ARHGAP1: variants seen among roughly 807,000 people sequenced by gnomAD.
The protein encoded by ARHGAP1 is Rho GTPase activating protein 1, also known as rho GTPase-activating protein 1.
A neutral mutation model predicts 52.2 loss-of-function variants in ARHGAP1; 23 were observed. That is an observed-to-expected ratio of 0.44 (90% CI 0.32 to 0.62). The LOEUF (loss-of-function observed/expected upper bound fraction) is 0.62. Among genes scored for constraint, ARHGAP1 ranks in the 20% least tolerant of loss-of-function variants. The pLI, the probability that ARHGAP1 is intolerant of heterozygous loss-of-function variation, is 0.05. For missense variants in ARHGAP1, 480 were observed against 560.9 expected (o/e 0.86, Z 1.46); for synonymous variants, 210 against 228.4 (o/e 0.92, Z 0.73).
In ARHGAP1 at chr11:46,696,736, G is replaced by A. The variant is rs982526213; in HGVS notation, c.-49-580C>T. Among the ~76,000 whole-genome samples, 1 of 152,164 alleles carries A rather than the reference G, an allele frequency of 6.6e-6. No homozygotes were observed. Among genetic ancestry groups the A allele is most frequent in the South Asian group, 2.1e-4 (1 of 4,832 alleles). The stretch of plus-strand genomic sequence containing the variant: ...ATACAAAAACTAGCTGGGCGTGGTG[G>A]CAGGCATCTGTAATCCCAGCTACTC... On this transcript the variant is annotated intron_variant, in intron 1 of 12. Coordinates refer to ENST00000311956, the MANE Select transcript of ARHGAP1 (RefSeq NM_004308.5). This position sits in a 1 kb window ranked among gnomAD's most constrained non-coding sequence, Gnocchi z 4.8.
Position 46,681,293 on chromosome 11 carries a change from C to T in ARHGAP1, c.536G>A (p.Ser179Asn). Reference protein sequence around the residue: ...TLLILFKPLISFKFGQKIFYV... With the variant: ...TLLILFKPLINFKFGQKIFYV... ...ACCAGCCCTGCCCGTGGCCACTCAC[C>T]TGATGAGGGGCTTGAAGAGGATGAG... The change falls in exon 6 of 13, where the codon AGC becomes AAC. Residue 179 changes from serine to asparagine, a missense_variant and splice_region_variant. Coordinates refer to ENST00000311956, the MANE Select transcript of ARHGAP1 (RefSeq NM_004308.5). The surrounding 1 kb of genome is among the most constrained non-coding windows in gnomAD (Gnocchi z 5.7). 6.2e-7 allele frequency: 1 copy of T among 1,612,704 alleles called. No homozygotes were observed. Among genetic ancestry groups the T allele is most frequent in the Non-Finnish European group, 8.5e-7 (1 of 1,178,692 alleles).
chr11:46,681,504 G>C lies in ARHGAP1; in HGVS notation c.450-125C>G. The C allele has an allele frequency of 1.4e-6, 1 of 705,426 alleles. No individual in the cohort carries two copies. The highest frequency in any genetic ancestry group is 2.5e-6 in the Non-Finnish European group (1 of 395,594). The allele number at this position is 705,426 out of a possible 1,614,324, so 43.7% of individuals were successfully genotyped here. A position where few individuals can be genotyped will look rare whatever the true frequency, so the allele number is the denominator to read the frequency against. On this transcript the variant is annotated intron_variant, in intron 5 of 12. Transcript: ENST00000311956. This position sits in a 1 kb window ranked among gnomAD's most constrained non-coding sequence, Gnocchi z 5.7. ...TCACCCAGGCTGGAGTGTGATCTCA[G>C]CTCATTGCAGCCTCCACCTCCCGGA...
In ARHGAP1 at chr11:46,679,551, C is replaced by G. The variant is rs2064507476; in HGVS notation, c.1028-83G>C. The G allele has an allele frequency of 3.7e-6, 6 of 1,605,608 alleles. No homozygotes were observed. Among genetic ancestry groups the G allele is most frequent in the Non-Finnish European group, 5.1e-6 (6 of 1,174,176 alleles). ...TCTGATGCAGGCTAGAGGGGAGACC[C>G]CCAGCAGTCTTCCCTGGGAGGCGCC... On this transcript the variant is annotated intron_variant, in intron 11 of 12. Coordinates refer to ENST00000311956, the MANE Select transcript of ARHGAP1 (RefSeq NM_004308.5). The surrounding 1 kb of genome is among the most constrained non-coding windows in gnomAD (Gnocchi z 4.4).
chr11:46,700,558 G>A lies in ARHGAP1; in HGVS notation c.-57C>T, dbSNP rs1422267227. ...CCGCGCCCAGCAGCTCACCGCGCTCGGGCACTGCTCCCTCTGCCACGCCTG... is the reference window on the plus strand; with the variant it reads ...CCGCGCCCAGCAGCTCACCGCGCTCAGGCACTGCTCCCTCTGCCACGCCTG... On this transcript the variant is annotated 5_prime_UTR_variant, in exon 1 of 13. Transcript: ENST00000311956. The A allele has an allele frequency of 1.7e-5, 3 of 178,102 alleles. No individual in the cohort carries two copies. Among genetic ancestry groups the A allele is most frequent in the East Asian group, 1.5e-4 (1 of 6,708 alleles). 11.0% of individuals were successfully genotyped at this position (178,102 alleles called of 1,614,324 possible). A position where few individuals can be genotyped will look rare whatever the true frequency, so the allele number is the denominator to read the frequency against.
intron 1 of ARHGAP1, among the ~76,000 whole-genome samples, chr11:46,699,686 G>A (rs996617891): frequency 6.7e-6 from 1 of 150,274 alleles, no homozygotes; most frequent in African/African-American, 2.5e-5. Context: ...CTGGGCGACA[G>A]AGTGAGACTC....
At position 46,696,620 on chromosome 11, in the gene ARHGAP1, G is replaced by A. The variant is rs1332652967; in HGVS notation, c.-49-464C>T. Among the ~76,000 whole-genome samples, 1 of 152,266 alleles carries A rather than the reference G, an allele frequency of 6.6e-6. No individual in the cohort carries two copies. The highest frequency in any genetic ancestry group is 2.4e-5 in the African/African-American group (1 of 41,476). ...ACCGTGGCTCACGCCTGTAATCCCA[G>A]CACTTTGGGAGGCCGAGGCAGGCGG... On this transcript the variant is annotated intron_variant, in intron 1 of 12. Coordinates refer to ENST00000311956, the MANE Select transcript of ARHGAP1 (RefSeq NM_004308.5). The surrounding 1 kb of genome is among the most constrained non-coding windows in gnomAD (Gnocchi z 4.8).
Position 46,681,457 on chromosome 11 carries a change from T to G in ARHGAP1, c.450-78A>C. 1 of 1,080,420 alleles carries G rather than the reference T, an allele frequency of 9.3e-7. No homozygotes were observed. Among genetic ancestry groups the G allele is most frequent in the South Asian group, 1.3e-5 (1 of 76,018 alleles). The allele number at this position is 1,080,420 out of a possible 1,614,324, so 66.9% of individuals were successfully genotyped here. The stretch of plus-strand genomic sequence containing the variant: ...CGCTAGGGTCCCAGTGCATACTTTT[T>G]TTTTTTGAGACAGAGTCTCCTTCAC... On this transcript the variant is annotated intron_variant, in intron 5 of 12. Coordinates refer to ENST00000311956, the MANE Select transcript of ARHGAP1 (RefSeq NM_004308.5). The surrounding 1 kb of genome is among the most constrained non-coding windows in gnomAD (Gnocchi z 5.7).
chr11:46,679,529 G>C lies in ARHGAP1; in HGVS notation c.1028-61C>G. On this transcript the variant is annotated intron_variant, in intron 11 of 12. Coordinates refer to ENST00000311956, the MANE Select transcript of ARHGAP1 (RefSeq NM_004308.5). The surrounding 1 kb of genome is among the most constrained non-coding windows in gnomAD (Gnocchi z 4.4). Reference sequence around the variant, plus strand: ...AGGCTGGGCTGGTTCAGGACGCTCTGATGCAGGCTAGAGGGGAGACCCCCA... The same window carrying C: ...AGGCTGGGCTGGTTCAGGACGCTCTCATGCAGGCTAGAGGGGAGACCCCCA... 6.2e-7 allele frequency: 1 copy of C among 1,608,206 alleles called. No individual in the cohort carries two copies. Among genetic ancestry groups the C allele is most frequent in the Non-Finnish European group, 8.5e-7 (1 of 1,175,816 alleles).
Position 46,688,165 on chromosome 11 carries a change from G to A in ARHGAP1, c.317+8C>T, listed in dbSNP as rs1472773594. 1.2e-6 allele frequency: 2 copies of A among 1,612,008 alleles called. No individual in the cohort carries two copies. The highest frequency in any genetic ancestry group is 1.7e-6 in the Non-Finnish European group (2 of 1,178,668). ...AAAGCCCCAACACACTTCCCAGCAG[G>A]TACTCACCCCAGGAGCTTGCTGTGG... On this transcript the variant is annotated splice_region_variant and intron_variant, in intron 4 of 12. Coordinates refer to ENST00000311956, the MANE Select transcript of ARHGAP1 (RefSeq NM_004308.5).
chr11:46,685,676 CTTTT>C (rs34418008), intron 4 of ARHGAP1, among the ~76,000 whole-genome samples: 5 of 112,194 alleles, frequency 4.5e-5, no homozygotes, highest in East Asian at 2.6e-4. Context: ...GCACAAGTCT[CTTTT>C]TTTTTTTTTT....
intron 3 of ARHGAP1, among the ~76,000 whole-genome samples, chr11:46,692,670 T>C (rs945935607): frequency 6.6e-6 from 1 of 152,188 alleles, no homozygotes; most frequent in Middle Eastern, 3.4e-3. Flanking sequence ...CATGATGTTA[T>C]ATGACAAATA....
Position 46,679,656 on chromosome 11 carries a change from C to A in ARHGAP1, c.1019G>T (p.Gly340Val). ...LTFDLYPHVV[G>V]FLNIDESQRV... ...AAGAGATGGGGACTCACTGAGGAAG[C>A]CCACCACATGGGGGTAGAGGTCAAA... The change falls in exon 11 of 13, where the codon GGC becomes GTC. Residue 340 changes from glycine (G) to valine (V), a missense_variant. By Grantham distance (109) the Gly-to-Val change is moderately radical (BLOSUM62 -3). Transcript: ENST00000311956. This position sits in a 1 kb window ranked among gnomAD's most constrained non-coding sequence, Gnocchi z 4.4. The A allele has an allele frequency of 6.2e-7, 1 of 1,614,030 alleles. No individual in the cohort carries two copies. Among genetic ancestry groups the A allele is most frequent in the Non-Finnish European group, 8.5e-7 (1 of 1,179,974 alleles).
At chr11:46,685,577 C>G (rs1465163876) in intron 4 of ARHGAP1, among the ~76,000 whole-genome samples, 1 of 151,532 alleles carries the variant, frequency 6.6e-6, no homozygotes, top group South Asian at 2.1e-4. Context: ...CACCCACCTT[C>G]GCCTCCCAAA....
In ARHGAP1 at chr11:46,680,476, C is replaced by T. The variant is rs1209120532; in HGVS notation, c.820+11G>A. ...AGACCTGGCTGGTGAGGAGGCAGGC[C>T]CGGCACTCACCGTGGGCCTGTAAGT... On this transcript the variant is annotated intron_variant, in intron 9 of 12. Transcript: ENST00000311956. This position sits in a 1 kb window ranked among gnomAD's most constrained non-coding sequence, Gnocchi z 5.9. 6.2e-7 allele frequency: 1 copy of T among 1,613,532 alleles called. No homozygotes were observed. The highest frequency in any genetic ancestry group is 8.5e-7 in the Non-Finnish European group (1 of 1,179,760).
rs1236459247 is a variant in ARHGAP1 at position 46,681,639 on chromosome 11, G to A, written c.450-260C>T. 2.3e-6 allele frequency: 1 copy of A among 426,332 alleles called. No individual in the cohort carries two copies. Among genetic ancestry groups the A allele is most frequent in the Non-Finnish European group, 4.3e-6 (1 of 230,230 alleles). 26.4% of individuals were successfully genotyped at this position (426,332 alleles called of 1,614,324 possible). On this transcript the variant is annotated intron_variant, in intron 5 of 12. Coordinates refer to ENST00000311956, the MANE Select transcript of ARHGAP1 (RefSeq NM_004308.5). This position sits in a 1 kb window ranked among gnomAD's most constrained non-coding sequence, Gnocchi z 5.7. Reference sequence around the variant, plus strand: ...AGCGGAGACAGGGTTTCACCATGTTGGCCAGGCTGGTCTGGAACTCCTGAC... The same window carrying A: ...AGCGGAGACAGGGTTTCACCATGTTAGCCAGGCTGGTCTGGAACTCCTGAC...
chr11:46,684,422 A>T (rs900986602), intron 4 of ARHGAP1, among the ~76,000 whole-genome samples: 2 of 152,228 alleles, frequency 1.3e-5, no homozygotes, highest in Admixed American at 6.5e-5. Flanking sequence ...CTAAGGAAAT[A>T]ATCTGAGATG....
At chr11:46,682,440 T>C (rs1008394196) in intron 4 of ARHGAP1, among the ~76,000 whole-genome samples, 6 of 152,162 alleles carry the variant, frequency 3.9e-5, no homozygotes, top group African/African-American at 1.4e-4. Context: ...TCCCAACACT[T>C]TGGGAGGCCA....
Position 46,677,988 on chromosome 11 carries a change from G to A in ARHGAP1, c.*1049C>T, listed in dbSNP as rs1416738761. On this transcript the variant is annotated 3_prime_UTR_variant, in exon 13 of 13. Coordinates refer to ENST00000311956, the MANE Select transcript of ARHGAP1 (RefSeq NM_004308.5). ...GGCCCTAGAGCCCCTTAATCCCCTGGGGAAATTGCTAGAACCCACCTATCT... is the reference window on the plus strand; with the variant it reads ...GGCCCTAGAGCCCCTTAATCCCCTGAGGAAATTGCTAGAACCCACCTATCT... 2 of 433,736 alleles carry A rather than the reference G, an allele frequency of 4.6e-6. No homozygotes were observed. Among genetic ancestry groups the A allele is most frequent in the Admixed American group, 2.8e-5 (1 of 36,120 alleles). The allele number at this position is 433,736 out of a possible 1,614,324, so 26.9% of individuals were successfully genotyped here.
chr11:46,694,444 C>G (rs539196443), intron 3 of ARHGAP1, among the ~76,000 whole-genome samples: 1 of 152,134 alleles, frequency 6.6e-6, no homozygotes, highest in African/African-American at 2.4e-5. Context: ...CCTGGCTGGG[C>G]CCCCTCAGGC....
Sources: gnomAD v4.1 joint callset for allele counts (sites outside exome capture counted in the v4.1 genomes callset) on GRCh38, gnomAD v4.1.1 for gene constraint, Gnocchi (gnomAD v3.1) non-coding constraint, MANE v1.5 for transcripts, NCBI Gene and HGNC (gene_info 2026-07-23, HGNC 2026-07-21) for gene names.